Variants in LBR observed in about 807,000 individuals in gnomAD.
LBR encodes lamin B receptor.
In LBR, 28 loss-of-function variants were observed where a neutral mutation model predicts 74.3. The ratio of observed to expected loss-of-function variants is 0.38; its 90% confidence interval spans 0.28 to 0.52. The LOEUF (loss-of-function observed/expected upper bound fraction) is 0.52. LBR is among the 20% of genes least tolerant of loss of function. The pLI, the probability that LBR is intolerant of heterozygous loss-of-function variation, is 0.89. For missense variants in LBR, 717 were observed against 760.3 expected, an observed-to-expected ratio of 0.94 and a Z score of 0.67; for synonymous variants, 228 against 269.3, an observed-to-expected ratio of 0.85 and a Z score of 1.50.
At chr1:225,420,778 CAAA>C (rs60369092) in intron 3 of LBR, among the ~76,000 whole-genome samples, 3 of 115,050 alleles carry the variant, frequency 2.6e-5, no homozygotes, top group African/African-American at 3.3e-5. Flanking sequence ...CCACATTCTC[CAAA>C]AAAAAAAAAA....
intron 4 of LBR, 116 bp downstream of exon 4, chr1:225,419,599 T>C (rs1384363120): frequency 9.6e-7 from 1 of 1,040,244 alleles, no homozygotes; most frequent in Non-Finnish European, 1.5e-6. Flanking sequence ...AAGGACAGAA[T>C]TTTAGAACAG....
chr1:225,403,933 C>T (rs1419626573), intron 13 of LBR, among the ~76,000 whole-genome samples: 1 of 140,212 alleles, frequency 7.1e-6, no homozygotes, highest in Non-Finnish European at 1.6e-5. Flanking sequence ...GCTCCCCTGG[C>T]TCCACCAGTA....
chr1:225,411,798 G>A (rs933071435), intron 8 of LBR, among the ~76,000 whole-genome samples: 1 of 152,068 alleles, frequency 6.6e-6, no homozygotes, highest in Non-Finnish European at 1.5e-5. Flanking sequence ...GTAACCTCTC[G>A]TTTCTCTTGT....
Position 225,412,649 on chromosome 1 carries a change from TAAAAAAAA to T in LBR, c.893-12_893-5del. 2 of 1,406,566 alleles carry T rather than the reference TAAAAAAAA, an allele frequency of 1.4e-6. No homozygotes were observed. The highest frequency in any genetic ancestry group is 1.9e-6 in the Non-Finnish European group (2 of 1,035,080). The allele number at this position is 1,406,566 out of a possible 1,614,324, so 87.1% of individuals were successfully genotyped here. ...GTCAGGATAAAAGCATAGAATCCTT[TAAAAAAAA>T]AAAAAAAAGGAAGTGGAAAATTAAT... On this transcript the variant is annotated splice_region_variant and splice_polypyrimidine_tract_variant and intron_variant, in intron 7 of 13. Transcript: ENST00000272163.
intron 11 of LBR, chr1:225,406,425 T>C: frequency 2.6e-6 from 1 of 383,302 alleles, no homozygotes. Flanking sequence ...CTTAAATTTA[T>C]TAAATTTAAA....
chr1:225,428,695 C>G (rs2096146352), upstream of LBR: 1 of 152,278 alleles, frequency 6.6e-6, no homozygotes, highest in East Asian at 1.9e-4. Context: ...CCGAGGGCTC[C>G]TACGACTTAC....
intron 12 of LBR, 29 bp from the exon 13 acceptor site, chr1:225,404,555 T>C (rs1366141807): frequency 3.2e-6 from 5 of 1,576,654 alleles, no homozygotes; most frequent in South Asian, 1.1e-5. Flanking sequence ...ACATTTTTAA[T>C]GATGTCGAGA....
intron 3 of LBR, among the ~76,000 whole-genome samples, chr1:225,420,263 C>T (rs1285590183): frequency 2.0e-5 from 3 of 149,322 alleles, no homozygotes; most frequent in African/African-American, 4.9e-5. Context: ...GAGCCAAGAC[C>T]GCGCCATTGC....
At position 225,404,507 on chromosome 1, in the gene LBR, A is replaced by C; in HGVS notation, c.1584T>G (p.Thr528=). 1 of 1,612,614 alleles carries C rather than the reference A, an allele frequency of 6.2e-7. No homozygotes were observed. Among genetic ancestry groups the C allele is most frequent in the Non-Finnish European group, 8.5e-7 (1 of 1,178,786 alleles). ...PKLAHLKTIH[T]STGKNLLVSG... is the part of the protein sequence containing the mutation. ...AAACTAGAAGATTTTTTCCCGTTGA[A>C]GTATGAATGGTTTTTAAATCTATAT... Residue 528 remains threonine, a synonymous_variant, in exon 13 of 14, where the codon ACT becomes ACG. Coordinates refer to ENST00000272163, the MANE Select transcript of LBR (RefSeq NM_002296.4).
rs1156597590 is a variant in LBR at position 225,419,359 on chromosome 1, A to C, written c.544T>G (p.Ser182Ala). 1 of 1,614,146 alleles carries C rather than the reference A, an allele frequency of 6.2e-7. No homozygotes were observed. Among genetic ancestry groups the C allele is most frequent in the Admixed American group, 1.7e-5 (1 of 60,026 alleles). The change falls in exon 5 of 14, where the codon TCT becomes GCT. Residue 182 changes from serine (S) to alanine (A), a missense_variant. Coordinates refer to ENST00000272163, the MANE Select transcript of LBR (RefSeq NM_002296.4). ...TTTGCAACGTATTTTTCTTCCTTAG[A>C]ATCTATTTCTTTTAATTTGACTTCT... The part of the protein sequence containing the change: ...REEVKLKEID[S>A]KEEKYVAKEL...
chr1:225,422,330 G>A (rs2096129195), intron 2 of LBR, 53 bp from the exon 3 acceptor site: 1 of 1,406,160 alleles, frequency 7.1e-7, no homozygotes, highest in East Asian at 2.3e-5. Flanking sequence ...AACACATACA[G>A]ACAGACCCAC....
intron 11 of LBR, among the ~76,000 whole-genome samples, chr1:225,405,949 T>G (rs74876325): frequency 0.039 from 6,012 of 152,312 alleles, 150 homozygotes; most frequent in Middle Eastern, 0.061. Flanking sequence ...ACCTCTAGTA[T>G]AAGTGTTTAG....
intron 2 of LBR, 36 bp downstream of exon 2, chr1:225,423,875 T>C (rs1282785784): frequency 1.9e-6 from 3 of 1,586,464 alleles, no homozygotes; most frequent in Non-Finnish European, 2.6e-6. Context: ...TCCCACTTAC[T>C]GTAAACACAC....
At chr1:225,418,406 A>G (rs577952496) in intron 5 of LBR, among the ~76,000 whole-genome samples, 1 of 152,150 alleles carries the variant, frequency 6.6e-6, no homozygotes, top group Admixed American at 6.5e-5. Context: ...TAAAAAAAAA[A>G]AGAAAGAGGT....
At position 225,401,563 on chromosome 1, in the gene LBR, A is replaced by G. The variant is rs2096082035; in HGVS notation, c.*1740T>C. 1 of 152,354 alleles carries G rather than the reference A, an allele frequency of 6.6e-6. No individual in the cohort carries two copies. 9.4% of individuals were successfully genotyped at this position (152,354 alleles called of 1,614,324 possible). A position where few individuals can be genotyped will look rare whatever the true frequency, so the allele number is the denominator to read the frequency against. On this transcript the variant is annotated 3_prime_UTR_variant, in exon 14 of 14. Transcript: ENST00000272163. ...AACTTCATTATAAAATTTGCCAAAT[A>G]AACATGTCAAAAACAAACTTAAAAA...
intron 8 of LBR, among the ~76,000 whole-genome samples, chr1:225,411,786 T>C (rs778923784): frequency 1.4e-4 from 22 of 152,212 alleles, no homozygotes; most frequent in Non-Finnish European, 2.9e-4. Flanking sequence ...ATCAACCAAT[T>C]TGTAACCTCT....
chr1:225,418,140 G>A lies in LBR; in HGVS notation c.681C>T (p.Phe227=). The A allele has an allele frequency of 6.2e-7, 1 of 1,614,110 alleles. No individual in the cohort carries two copies. Among genetic ancestry groups the A allele is most frequent in the Non-Finnish European group, 8.5e-7 (1 of 1,179,976 alleles). Residue 227 remains phenylalanine, a synonymous_variant, in exon 6 of 14, where the codon TTC becomes TTT. Coordinates refer to ENST00000272163, the MANE Select transcript of LBR (RefSeq NM_002296.4). The part of the protein sequence containing the change: ...LIMFGLPVFL[F]LLLLMCKQKD... ...TCTGTTTACACATCAACAGCAACAG[G>A]AAGAGGAACACAGGCAGGCCAAACA...
rs201654506 is a variant in LBR, at chr1:225,412,579, T to C, written c.959A>G (p.His320Arg). The C allele has an allele frequency of 6.0e-4, 972 of 1,611,162 alleles. 11 individuals are homozygous for C. The South Asian group carries it at 9.5e-3, about 16-fold the overall frequency. ...GTSLFQGVEF[H>R]YVYSHFLQFA... The stretch of plus-strand genomic sequence containing the variant: ...CTGAAGAAAATGACTGTACACGTAA[T>C]GAAACTCTACGCCCTGGAAGAGAGA... Residue 320 changes from histidine to arginine, a missense_variant, in exon 8 of 14, where the codon CAT (histidine) becomes CGT (arginine). His to Arg is a conservative substitution (Grantham distance 29, BLOSUM62 0). Coordinates refer to ENST00000272163, the MANE Select transcript of LBR (RefSeq NM_002296.4).
chr1:225,419,637 G>T, intron 4 of LBR, 78 bp downstream of exon 4: 1 of 1,108,116 alleles, frequency 9.0e-7, no homozygotes, highest in Non-Finnish European at 1.4e-6. Flanking sequence ...TTTTCAATGT[G>T]CTTCTCAAGG....
Sources: gnomAD v4.1 joint callset for allele counts (sites outside exome capture counted in the v4.1 genomes callset) on GRCh38, gnomAD v4.1.1 for gene constraint, MANE v1.5 for transcripts, NCBI Gene and HGNC (gene_info 2026-07-23, HGNC 2026-07-21) for gene names.